The following DCC variants were observed in gnomAD, a reference collection of about 807,000 sequenced individuals.
DCC encodes the protein DCC netrin 1 receptor.
A neutral mutation model predicts 172.5 loss-of-function variants in DCC; 58 were observed. The observed-to-expected ratio is 0.34, with a 90% confidence interval of 0.27 to 0.42. DCC has a LOEUF of 0.42. Ranked by LOEUF, DCC falls within the 10% of genes least tolerant of loss-of-function variation. The pLI is 1.00. For missense variants in DCC, 1,740 were observed against 1,791.0 expected, an observed-to-expected ratio of 0.97 and a Z score of 0.51; for synonymous variants, 709 against 644.5, an observed-to-expected ratio of 1.10 and a Z score of -1.52.
intron 5 of DCC, among the ~76,000 whole-genome samples, chr18:52,982,786 C>G (rs2041232423): frequency 6.6e-6 from 1 of 152,322 alleles, no homozygotes; most frequent in East Asian, 1.9e-4. Flanking sequence ...AATTTCCCTT[C>G]TTGATGGTAG....
At chr18:52,553,628 T>A (rs1207337765) in intron 1 of DCC, among the ~76,000 whole-genome samples, 1 of 151,780 alleles carries the variant, frequency 6.6e-6, no homozygotes, top group Non-Finnish European at 1.5e-5. Context: ...CCAGTGTGAG[T>A]GCACACTCTG....
At chr18:52,962,225 T>C (rs1262570190) in intron 5 of DCC, among the ~76,000 whole-genome samples, 1 of 151,954 alleles carries the variant, frequency 6.6e-6, no homozygotes, top group Non-Finnish European at 1.5e-5. Flanking sequence ...AAAGGGCTAG[T>C]ATCCAGAATC....
intron 12 of DCC, among the ~76,000 whole-genome samples, chr18:53,216,084 T>G (rs541665116): frequency 6.6e-6 from 1 of 152,218 alleles, no homozygotes; most frequent in African/African-American, 2.4e-5. Context: ...TACAGTTATA[T>G]TTATGTAGCG....
intron 1 of DCC, among the ~76,000 whole-genome samples, chr18:52,413,857 A>C (rs184776687): frequency 2.5e-3 from 377 of 152,256 alleles, no homozygotes; most frequent in Non-Finnish European, 4.4e-3. Context: ...TTTACATAAT[A>C]ATTATGTACA....
At chr18:52,865,674 C>A (rs1168122342) in intron 2 of DCC, among the ~76,000 whole-genome samples, 1 of 151,468 alleles carries the variant, frequency 6.6e-6, no homozygotes, top group Non-Finnish European at 1.5e-5. Flanking sequence ...CTGTTCATAC[C>A]CTTCACCCAC....
At chr18:53,236,842 T>G (rs765635939) in intron 12 of DCC, among the ~76,000 whole-genome samples, 1 of 152,058 alleles carries the variant, frequency 6.6e-6, no homozygotes, top group Non-Finnish European at 1.5e-5. Context: ...CTCATTGAAT[T>G]ATTTAGTGCC....
chr18:53,279,324 AT>A (rs2056840955), intron 12 of DCC, among the ~76,000 whole-genome samples: 2 of 152,084 alleles, frequency 1.3e-5, no homozygotes, highest in African/African-American at 4.8e-5. Context: ...GCCATAAAAA[AT>A]GATGAGTTCA....
chr18:53,079,480 C>G (rs552583446), intron 7 of DCC, among the ~76,000 whole-genome samples: 10 of 152,246 alleles, frequency 6.6e-5, no homozygotes, highest in African/African-American at 2.4e-4. Flanking sequence ...ACTAAAACCT[C>G]ATACTAATGA....
rs1170264429 is a variant in DCC, at chr18:53,532,419, T to G, written c.*1766T>G. 6.6e-6 allele frequency: 1 copy of G among 152,218 alleles called. No homozygotes were observed. Among genetic ancestry groups the G allele is most frequent in the East Asian group, 1.9e-4 (1 of 5,196 alleles). 9.4% of individuals were successfully genotyped at this position (152,218 alleles called of 1,614,324 possible). Reference sequence around the variant, plus strand: ...CCGGTCCATTTGCGAATTTGTTCCTTCAACAAGAGTGCTCATTCAAGTTAC... The same window carrying G: ...CCGGTCCATTTGCGAATTTGTTCCTGCAACAAGAGTGCTCATTCAAGTTAC... On this transcript the variant is annotated 3_prime_UTR_variant, in exon 29 of 29. Coordinates refer to ENST00000442544, the MANE Select transcript of DCC (RefSeq NM_005215.4).
intron 1 of DCC, among the ~76,000 whole-genome samples, chr18:52,640,335 A>G (rs1363614193): frequency 6.6e-6 from 1 of 152,198 alleles, no homozygotes; most frequent in African/African-American, 2.4e-5. Context: ...CCCCTCTTCA[A>G]CATAGTATTG....
At chr18:53,234,086 A>G (rs866897056) in intron 12 of DCC, among the ~76,000 whole-genome samples, 40 of 152,238 alleles carry the variant, frequency 2.6e-4, no homozygotes, top group African/African-American at 9.1e-4. Flanking sequence ...CACCATCTCT[A>G]CTAAAAATAC....
chr18:53,140,068 A>G (rs2043807355), intron 7 of DCC, among the ~76,000 whole-genome samples: 1 of 152,242 alleles, frequency 6.6e-6, no homozygotes, highest in African/African-American at 2.4e-5. Flanking sequence ...ATAAATGGAC[A>G]GATGTATGAG....
intron 5 of DCC, among the ~76,000 whole-genome samples, chr18:53,035,639 G>A (rs188561634): frequency 6.6e-6 from 1 of 152,106 alleles, no homozygotes; most frequent in Non-Finnish European, 1.5e-5. Context: ...GAACATTATA[G>A]CAGCGTAGGG....
chr18:53,008,939 G>A (rs752260481), intron 5 of DCC, among the ~76,000 whole-genome samples: 30 of 151,962 alleles, frequency 2.0e-4, no homozygotes, highest in South Asian at 8.3e-4. Context: ...TCTAACCTGA[G>A]AAGTTTAGCT....
In DCC at chr18:52,710,401, A is replaced by G. The variant is rs978100197; in HGVS notation, c.92-41653A>G. ...ACAAATTAAAATAAGATAAAAATATATGAATGATGTAATGTGATAGAAAAT... is the reference window on the plus strand; with the variant it reads ...ACAAATTAAAATAAGATAAAAATATGTGAATGATGTAATGTGATAGAAAAT... On this transcript the variant is annotated intron_variant, in intron 1 of 28. Coordinates refer to ENST00000442544, the MANE Select transcript of DCC (RefSeq NM_005215.4). 2.0e-5 allele frequency among the ~76,000 whole-genome samples: 3 copies of G among 152,216 alleles called. No individual in the cohort carries two copies. The South Asian group carries it at 6.2e-4, about 32-fold the overall frequency.
At chr18:52,995,277 GCTT>G (rs1425398274) in intron 5 of DCC, among the ~76,000 whole-genome samples, 1 of 152,052 alleles carries the variant, frequency 6.6e-6, no homozygotes, top group Non-Finnish European at 1.5e-5. Context: ...CACGTGTCAG[GCTT>G]CTTCTTATCC....
rs780337622 is a variant in DCC at position 53,068,797 on chromosome 18, GTA to G, written c.1261+2633_1261+2634del. Among the ~76,000 whole-genome samples, 490 of 145,626 alleles carry G rather than the reference GTA, an allele frequency of 3.4e-3. 7 individuals are homozygous for G. The highest frequency in any genetic ancestry group is 8.9e-3 in the African/African-American group (349 of 39,282). On this transcript the variant is annotated intron_variant, in intron 7 of 28. Transcript: ENST00000442544. ...TGTGTGTGTGTGTGTGTGTGTGTGT[GTA>G]TGTGTATGTGTGTGTGTGTTGCTGG...
In DCC at chr18:53,031,665, T is replaced by A. The variant is rs139812038; in HGVS notation, c.986-31640T>A. 2.4e-3 allele frequency among the ~76,000 whole-genome samples: 369 copies of A among 150,902 alleles called. 1 individual carries two copies. The highest frequency in any genetic ancestry group is 8.5e-3 in the African/African-American group (351 of 41,372). ...AGGAAATATAAGACAAAAATAAATATAATATTAGGGTTCATCAAAATTATA... is the reference window on the plus strand; with the variant it reads ...AGGAAATATAAGACAAAAATAAATAAAATATTAGGGTTCATCAAAATTATA... On this transcript the variant is annotated intron_variant, in intron 5 of 28. Transcript: ENST00000442544.
chr18:53,196,528 T>A (rs2055445390), intron 9 of DCC, among the ~76,000 whole-genome samples: 1 of 152,164 alleles, frequency 6.6e-6, no homozygotes, highest in Non-Finnish European at 1.5e-5. Flanking sequence ...CTAGGTTGAA[T>A]TACAAGAAAT....
Sources: gnomAD v4.1 joint callset for allele counts (sites outside exome capture counted in the v4.1 genomes callset) on GRCh38, gnomAD v4.1.1 for gene constraint, MANE v1.5 for transcripts, NCBI Gene and HGNC (gene_info 2026-07-23, HGNC 2026-07-21) for gene names.